The following STRA6 variants were observed in gnomAD, a reference collection of about 807,000 sequenced individuals.
The protein encoded by STRA6 is receptor for retinol uptake STRA6.
A neutral mutation model predicts 83.6 loss-of-function variants in STRA6; 48 were observed. The observed-to-expected ratio is 0.57, with a 90% CI of 0.46 to 0.73. STRA6 has a LOEUF of 0.73. Among genes scored for constraint, STRA6 ranks in the 30% least tolerant of loss-of-function variants. The pLI is 0.00. For synonymous variants in STRA6, 353 were observed against 362.3 expected (o/e 0.97, Z 0.29); for missense variants, 760 against 838.8 (o/e 0.91, Z 1.16).
At chr15:74,208,032 C>T in intron 1 of STRA6, 2 of 1,361,356 alleles carry the variant, frequency 1.5e-6, no homozygotes, top group Non-Finnish European at 1.9e-6. Context: ...ATGCCCCCCT[C>T]ACCAACAGCA....
chr15:74,181,699 G>A (rs2072999730), intron 16 of STRA6, among the ~76,000 whole-genome samples: 1 of 152,178 alleles, frequency 6.6e-6, no homozygotes, highest in Admixed American at 6.5e-5. Context: ...GCTATTCAGT[G>A]GCAGAGCTGG....
chr15:74,202,365 G>A, intron 1 of STRA6, 83 bp from the exon 2 acceptor site: 1 of 1,552,834 alleles, frequency 6.4e-7, no homozygotes, highest in Non-Finnish European at 8.7e-7. Flanking sequence ...AAGAAAGACG[G>A]AAAACCCAAA....
chr15:74,186,061 G>A (rs986150016), intron 12 of STRA6, among the ~76,000 whole-genome samples: 3 of 152,152 alleles, frequency 2.0e-5, no homozygotes, highest in Non-Finnish European at 4.4e-5. Flanking sequence ...CACCGATAGC[G>A]CCTTTAGGAT....
Position 74,182,476 on chromosome 15 carries a change from G to A in STRA6, c.1301-16C>T, listed in dbSNP as rs1438358940. ...ACCAGGAGCCCTGCCAGGGGCGGGA[G>A]TGGCAGGGGGACAGAAAACAGGTTC... On this transcript the variant is annotated splice_polypyrimidine_tract_variant and intron_variant, in intron 14 of 18. Coordinates refer to ENST00000395105, the MANE Select transcript of STRA6 (RefSeq NM_022369.4). 8.2e-6 allele frequency: 13 copies of A among 1,590,792 alleles called. No homozygotes were observed. The African/African-American group carries it at 1.1e-4, about 13-fold the overall frequency.
At chr15:74,199,209 G>A (rs2073951065) in intron 2 of STRA6, among the ~76,000 whole-genome samples, 1 of 152,236 alleles carries the variant, frequency 6.6e-6, no homozygotes. Flanking sequence ...ATTATCCAGG[G>A]GAGTGCAGAG....
At chr15:74,209,322 A>C (rs1486814020), upstream of STRA6, 2 of 1,494,606 alleles carry the variant, frequency 1.3e-6, no homozygotes, top group Non-Finnish European at 9.0e-7. Flanking sequence ...GTTTCCCCAG[A>C]TGTGGCCTTA....
chr15:74,192,199 C>G (rs756418166), intron 8 of STRA6, among the ~76,000 whole-genome samples: 3 of 152,144 alleles, frequency 2.0e-5, no homozygotes, highest in Non-Finnish European at 4.4e-5. Flanking sequence ...ACCTCTCAAG[C>G]CTGGGAGGAA....
upstream of STRA6, chr15:74,209,110 A>G: frequency 7.6e-7 from 1 of 1,312,970 alleles, no homozygotes; most frequent in Non-Finnish European, 9.7e-7. Flanking sequence ...CCCGCCCTTG[A>G]TTCCGGGATC....
chr15:74,193,842 C>T lies in STRA6; in HGVS notation c.678G>A (p.Gln226=), dbSNP rs1177822842. The change falls in exon 8 of 19, where the codon CAG becomes CAA. Residue 226 remains glutamine (Q), a synonymous_variant. Transcript: ENST00000395105. The stretch of plus-strand genomic sequence containing the variant: ...TCCTACGGCTGAAGCTTCTCACCAG[C>T]TGCACAGGGTACCAAAGGCTCAGGA... The part of the protein sequence containing the change: ...LGFLSLWYPV[Q]LVRSFSRRTG... 6.2e-7 allele frequency: 1 copy of T among 1,613,998 alleles called. No individual in the cohort carries two copies. The highest frequency in any genetic ancestry group is 1.7e-5 in the Admixed American group (1 of 60,014).
rs1183230140 is a variant in STRA6, at chr15:74,182,327, G to A, written c.1418+16C>T. Reference sequence around the variant, plus strand: ...TCTAAGGAGTCCCTGAGCCCTCCATGTCTTGTTTCACTCACCACGAGGACT... The same window carrying A: ...TCTAAGGAGTCCCTGAGCCCTCCATATCTTGTTTCACTCACCACGAGGACT... On this transcript the variant is annotated intron_variant, in intron 15 of 18. Coordinates refer to ENST00000395105, the MANE Select transcript of STRA6 (RefSeq NM_022369.4). The A allele has an allele frequency of 1.2e-6, 2 of 1,614,022 alleles. No homozygotes were observed. The highest frequency in any genetic ancestry group is 2.2e-5 in the East Asian group (1 of 44,862).
At chr15:74,205,032 G>A (rs765047624), upstream of STRA6, among the ~76,000 whole-genome samples, 1 of 152,222 alleles carries the variant, frequency 6.6e-6, no homozygotes, top group Non-Finnish European at 1.5e-5. Flanking sequence ...AGCAAGATGA[G>A]TCAAGGCCTG....
chr15:74,188,653 G>A lies in STRA6; in HGVS notation c.1090+462C>T, dbSNP rs2073377929. 6.6e-6 allele frequency among the ~76,000 whole-genome samples: 1 copy of A among 152,222 alleles called. No homozygotes were observed. The highest frequency in any genetic ancestry group is 2.4e-5 in the African/African-American group (1 of 41,456). On this transcript the variant is annotated intron_variant, in intron 12 of 18. Coordinates refer to ENST00000395105, the MANE Select transcript of STRA6 (RefSeq NM_022369.4). The surrounding 1 kb of genome is among the most constrained non-coding windows in gnomAD (Gnocchi z 4.5). ...CTGGTTCAGGAGCTCATTGTCAGAG[G>A]AGGGAAGGAGAAAGGAGACGGCCCC...
chr15:74,182,462 T>C lies in STRA6; in HGVS notation c.1301-2A>G. On this transcript the variant is annotated splice_acceptor_variant, in intron 14 of 18. Transcript: ENST00000395105. LOFTEE classifies it high-confidence loss of function. ...AGATGATCTGCTGCACCAGGAGCCC[T>C]GCCAGGGGCGGGAGTGGCAGGGGGA... The C allele has an allele frequency of 1.2e-6, 2 of 1,606,730 alleles. No homozygotes were observed. The highest frequency in any genetic ancestry group is 1.7e-6 in the Non-Finnish European group (2 of 1,176,688).
chr15:74,182,111 G>A (rs376717070), intron 16 of STRA6, 50 bp downstream of exon 16: 18 of 1,506,928 alleles, frequency 1.2e-5, no homozygotes, highest in South Asian at 5.6e-5. Context: ...GAGAGACACC[G>A]AAGAAGAGGC....
chr15:74,187,891 G>A (rs1001585048), intron 12 of STRA6, among the ~76,000 whole-genome samples: 16 of 152,190 alleles, frequency 1.1e-4, no homozygotes, highest in African/African-American at 3.4e-4. Context: ...CCTGCCCTGT[G>A]AGCTGGGATC....
chr15:74,202,735 A>ATCTCT lies in STRA6; in HGVS notation c.-39_-38insAGAGA. On this transcript the variant is annotated 5_prime_UTR_variant, in exon 1 of 19. Coordinates refer to ENST00000395105, the MANE Select transcript of STRA6 (RefSeq NM_022369.4). ...CACCAGAAGGGAGGCCCAGGGAGGA[A>ATCTCT]GGAGTTGCAGAGATGAAAGGGTAGG... 8.1e-7 allele frequency: 1 copy of ATCTCT among 1,239,724 alleles called. No individual in the cohort carries two copies. The highest frequency in any genetic ancestry group is 1.0e-6 in the Non-Finnish European group (1 of 992,690). 76.8% of individuals were successfully genotyped at this position (1,239,724 alleles called of 1,614,324 possible).
In STRA6 at chr15:74,197,409, C is replaced by T. The variant is rs1213657210; in HGVS notation, c.195G>A (p.Leu65=). The part of the protein sequence containing the change: ...CLASLSILVL[L]LLAMLVRRRQ... ...GGCGCCTCACCAGCATGGCCAGGAG[C>T]AGCAGCACAAGGATCTGAAAGGAGA... The change falls in exon 4 of 19, where the codon CTG becomes CTA. Residue 65 remains leucine, a synonymous_variant. Coordinates refer to ENST00000395105, the MANE Select transcript of STRA6 (RefSeq NM_022369.4). 3 of 1,550,628 alleles carry T rather than the reference C, an allele frequency of 1.9e-6. No homozygotes were observed. Among genetic ancestry groups the T allele is most frequent in the Non-Finnish European group, 1.7e-6 (2 of 1,146,954 alleles).
chr15:74,193,675 T>A (rs2073661019), intron 8 of STRA6, 125 bp downstream of exon 8: 4 of 1,519,746 alleles, frequency 2.6e-6, no homozygotes, highest in Non-Finnish European at 3.6e-6. Flanking sequence ...AGCAAACATT[T>A]TCTGAGCATC....
At chr15:74,195,569 C>T (rs760790232) in intron 6 of STRA6, 83 bp downstream of exon 6, 355 of 1,568,936 alleles carry the variant, frequency 2.3e-4, no homozygotes, top group Non-Finnish European at 2.7e-4. Context: ...CTTCCAAGCC[C>T]TTCAGCACGT....
Sources: allele counts gnomAD v4.1 joint callset (sites outside exome capture counted in the v4.1 genomes callset), GRCh38; gene constraint gnomAD v4.1.1; non-coding constraint Gnocchi (gnomAD v3.1); transcripts MANE v1.5; gene names NCBI Gene and HGNC (gene_info 2026-07-23, HGNC 2026-07-21).